Variants in NKAIN2 observed in about 807,000 individuals in gnomAD.
NKAIN2 encodes the protein sodium/potassium-transporting ATPase subunit beta-1-interacting protein 2.
A neutral mutation model predicts 32.6 loss-of-function variants in NKAIN2; 14 were observed. The observed-to-expected ratio is 0.43, with a 90% CI of 0.28 to 0.67. NKAIN2 has a LOEUF of 0.67. Ranked by LOEUF, NKAIN2 falls within the 30% of genes least tolerant of loss-of-function variation. NKAIN2 has a pLI of 0.17. For synonymous variants in NKAIN2, 80 were observed against 87.2 expected (o/e 0.92, Z 0.46); for missense variants, 198 against 258.3 (o/e 0.77, Z 1.60).
At chr6:124,254,777 A>G (rs1324630479) in intron 1 of NKAIN2, among the ~76,000 whole-genome samples, 2 of 152,206 alleles carry the variant, frequency 1.3e-5, no homozygotes, top group Non-Finnish European at 2.9e-5. Context: ...AAACATTAAA[A>G]CTAGATAGTA....
intron 4 of NKAIN2, among the ~76,000 whole-genome samples, chr6:124,731,613 G>C (rs1482272292): frequency 6.7e-6 from 1 of 150,018 alleles, no homozygotes; most frequent in African/African-American, 2.5e-5. Flanking sequence ...AATGCTAGAT[G>C]ACGAGTTAGT....
intron 1 of NKAIN2, among the ~76,000 whole-genome samples, chr6:124,265,574 C>G (rs1391370497): frequency 6.6e-6 from 1 of 152,150 alleles, no homozygotes; most frequent in Non-Finnish European, 1.5e-5. Context: ...ATTTTATGTG[C>G]CTTTTATCAA....
intron 4 of NKAIN2, among the ~76,000 whole-genome samples, chr6:124,730,242 G>A (rs1448235657): frequency 5.2e-5 from 5 of 95,910 alleles, no homozygotes; most frequent in Non-Finnish European, 8.4e-5. Context: ...AAAAGAGCCC[G>A]CATCGCCAAG....
At chr6:124,128,684 C>G (rs1786304649) in intron 1 of NKAIN2, among the ~76,000 whole-genome samples, 1 of 152,132 alleles carries the variant, frequency 6.6e-6, no homozygotes, top group Non-Finnish European at 1.5e-5. Context: ...CTGTGTCTCC[C>G]CATCTTTAAG....
At position 124,223,531 on chromosome 6, in the gene NKAIN2, G is replaced by T. The variant is rs1485889391; in HGVS notation, c.55-59474G>T. Among the ~76,000 whole-genome samples, 9 of 152,182 alleles carry T rather than the reference G, an allele frequency of 5.9e-5. No individual in the cohort carries two copies. The South Asian group carries it at 1.7e-3, about 28-fold the overall frequency. ...AGTATTTATACAAGACACTGCTATT[G>T]TAGAGGCATTGCAAGAATTCCATTA... On this transcript the variant is annotated intron_variant, in intron 1 of 6. Transcript: ENST00000368417.
chr6:124,020,007 A>G (rs966440141), intron 1 of NKAIN2, among the ~76,000 whole-genome samples: 1 of 152,138 alleles, frequency 6.6e-6, no homozygotes, highest in African/African-American at 2.4e-5. Context: ...TAGGCATTGT[A>G]TTGCCTGTTT....
At chr6:124,538,030 T>A (rs1177437412) in intron 3 of NKAIN2, among the ~76,000 whole-genome samples, 2 of 152,142 alleles carry the variant, frequency 1.3e-5, no homozygotes, top group Non-Finnish European at 2.9e-5. Flanking sequence ...AATCTCTCAT[T>A]TTAAATGTGA....
At chr6:124,724,083 A>C (rs926283227) in intron 4 of NKAIN2, among the ~76,000 whole-genome samples, 15 of 152,258 alleles carry the variant, frequency 9.9e-5, no homozygotes, top group African/African-American at 3.4e-4. Context: ...AAGTCACTGA[A>C]CCATGGAATC....
rs565619038 is a variant in NKAIN2, at chr6:124,253,147, A to G, written c.55-29858A>G. 2.0e-5 allele frequency among the ~76,000 whole-genome samples: 3 copies of G among 152,222 alleles called. No individual in the cohort carries two copies. The East Asian group carries it at 5.8e-4, about 29-fold the overall frequency. ...GTTCATGAACATGGTCTATCCCTGT[A>G]TTTATTTCAATTGGTCTTTTCTGCC... is the stretch of plus-strand genomic sequence containing the variant. On this transcript the variant is annotated intron_variant, in intron 1 of 6. Transcript: ENST00000368417.
intron 1 of NKAIN2, among the ~76,000 whole-genome samples, chr6:123,932,406 C>CTTTTTTTTTTTTTTTTTTTTTT (rs57063550): frequency 6.7e-5 from 7 of 104,390 alleles, no homozygotes; most frequent in East Asian, 4.9e-4. Flanking sequence ...TTCTGTCTTT[C>CTTTTTTTTTTTTTTTTTTTTTT]TTTTTTTTTT....
chr6:124,451,816 A>G (rs1776118795), intron 3 of NKAIN2, among the ~76,000 whole-genome samples: 1 of 152,144 alleles, frequency 6.6e-6, no homozygotes, highest in South Asian at 2.1e-4. Context: ...GAGTGCTTCA[A>G]GGGAAGAGAT....
chr6:124,295,489 T>G (rs1160770493), intron 2 of NKAIN2, among the ~76,000 whole-genome samples: 1 of 152,118 alleles, frequency 6.6e-6, no homozygotes, highest in African/African-American at 2.4e-5. Context: ...TGAACCTGCT[T>G]TTTATTATTG....
chr6:124,748,088 A>T (rs1337864), intron 4 of NKAIN2, among the ~76,000 whole-genome samples: 63,070 of 151,732 alleles, frequency 0.42, 13,883 homozygotes, highest in Non-Finnish European at 0.51. Flanking sequence ...TGAAAATCAC[A>T]CCACAATTTG....
intron 3 of NKAIN2, among the ~76,000 whole-genome samples, chr6:124,427,944 ATTAC>A (rs1373446588): frequency 1.3e-5 from 2 of 152,300 alleles, no homozygotes; most frequent in Admixed American, 6.5e-5. Context: ...AAAATTAAGT[ATTAC>A]TTAAGTTTTA....
At chr6:123,932,856 A>G (rs1303081361) in intron 1 of NKAIN2, among the ~76,000 whole-genome samples, 1 of 134,520 alleles carries the variant, frequency 7.4e-6, no homozygotes, top group Non-Finnish European at 1.6e-5. Context: ...TCCTCTGATT[A>G]TTTTCTTTCT....
intron 3 of NKAIN2, among the ~76,000 whole-genome samples, chr6:124,472,699 A>G (rs950579225): frequency 2.7e-4 from 35 of 131,702 alleles, no homozygotes; most frequent in Admixed American, 5.7e-4. Flanking sequence ...AAAGGAGAAG[A>G]AAGGAGAGAG....
chr6:124,621,169 A>G (rs367839730), intron 3 of NKAIN2, among the ~76,000 whole-genome samples: 1 of 152,192 alleles, frequency 6.6e-6, no homozygotes, highest in African/African-American at 2.4e-5. Flanking sequence ...CTGTTTAGGT[A>G]ATTCTAACAT....
intron 3 of NKAIN2, among the ~76,000 whole-genome samples, chr6:124,611,533 C>T (rs1277752167): frequency 1.3e-5 from 2 of 152,100 alleles, no homozygotes; most frequent in African/African-American, 4.8e-5. Context: ...TCGCTTGCCC[C>T]CACCTCCCGA....
At chr6:124,073,732 G>A (rs1391284628) in intron 1 of NKAIN2, among the ~76,000 whole-genome samples, 1 of 152,074 alleles carries the variant, frequency 6.6e-6, no homozygotes, top group Non-Finnish European at 1.5e-5. Context: ...CATGGCCATA[G>A]GAGCCCTGAC....
Sources: gnomAD v4.1 joint callset for allele counts (sites outside exome capture counted in the v4.1 genomes callset) on GRCh38, gnomAD v4.1.1 for gene constraint, MANE v1.5 for transcripts, NCBI Gene and HGNC (gene_info 2026-07-23, HGNC 2026-07-21) for gene names.